The following AHCYL2 variants were observed in gnomAD, a reference collection of about 807,000 sequenced individuals.
AHCYL2 encodes the protein S-adenosylhomocysteine hydrolase-like protein 2.
AHCYL2 carries 28 observed loss-of-function variants against 81.4 expected under a neutral mutation model. That is an observed-to-expected ratio of 0.34 (90% confidence interval 0.25 to 0.47). The LOEUF (loss-of-function observed/expected upper bound fraction) is 0.47. Ranked by LOEUF, AHCYL2 falls within the 20% of genes least tolerant of loss-of-function variation. AHCYL2 has a pLI of 1.00. For synonymous variants in AHCYL2, 272 were observed against 290.2 expected, an observed-to-expected ratio of 0.94 and a Z score of 0.64; for missense variants, 551 against 785.1, an observed-to-expected ratio of 0.70 and a Z score of 3.56.
intron 1 of AHCYL2, among the ~76,000 whole-genome samples, chr7:129,338,577 T>C (rs1166505652): frequency 6.6e-6 from 1 of 152,262 alleles, no homozygotes; most frequent in Non-Finnish European, 1.5e-5. Context: ...CACTGTGTTA[T>C]CAGACTTTCG....
intron 1 of AHCYL2, among the ~76,000 whole-genome samples, chr7:129,348,464 T>A (rs1793440826): frequency 6.6e-6 from 1 of 151,262 alleles, no homozygotes; most frequent in South Asian, 2.1e-4. Flanking sequence ...CAAGTAAGAT[T>A]TCTCTCTAGA....
intron 1 of AHCYL2, among the ~76,000 whole-genome samples, chr7:129,330,908 T>C (rs1312687088): frequency 1.3e-5 from 2 of 152,238 alleles, no homozygotes; most frequent in Non-Finnish European, 2.9e-5. Context: ...AAATCGTTAG[T>C]CATCATAAAC....
At chr7:129,246,232 G>A (rs1795051712) in intron 1 of AHCYL2, among the ~76,000 whole-genome samples, 1 of 151,842 alleles carries the variant, frequency 6.6e-6, no homozygotes, top group Non-Finnish European at 1.5e-5. Context: ...CTAATTTTGT[G>A]TTTTTAGTAG....
chr7:129,330,068 G>A (rs972944288), intron 1 of AHCYL2, among the ~76,000 whole-genome samples: 2 of 152,176 alleles, frequency 1.3e-5, no homozygotes, highest in South Asian at 2.1e-4. Flanking sequence ...ACAGAGGCAC[G>A]ATCATAGGTG....
At chr7:129,246,528 C>T (rs962222912) in intron 1 of AHCYL2, among the ~76,000 whole-genome samples, 4 of 152,166 alleles carry the variant, frequency 2.6e-5, no homozygotes, top group African/African-American at 9.7e-5. Context: ...GACAGGATCT[C>T]GCTCTGTCAC....
At chr7:129,260,767 C>A (rs1795601887) in intron 1 of AHCYL2, among the ~76,000 whole-genome samples, 1 of 152,136 alleles carries the variant, frequency 6.6e-6, no homozygotes, top group South Asian at 2.1e-4. Context: ...ACTGAACTCT[C>A]ATCAACACAT....
chr7:129,325,477 A>G (rs1348833231), intron 1 of AHCYL2, among the ~76,000 whole-genome samples: 1 of 151,922 alleles, frequency 6.6e-6, no homozygotes, highest in Non-Finnish European at 1.5e-5. Flanking sequence ...AGATTTGAGC[A>G]ATTTGATTGT....
chr7:129,282,357 T>C (rs1796474049), intron 1 of AHCYL2, among the ~76,000 whole-genome samples: 1 of 152,268 alleles, frequency 6.6e-6, no homozygotes, highest in East Asian at 1.9e-4. Context: ...TAGTTACATG[T>C]ATATTAAACT....
chr7:129,319,066 G>A (rs2150785291), intron 1 of AHCYL2, among the ~76,000 whole-genome samples: 1 of 152,202 alleles, frequency 6.6e-6, no homozygotes, highest in South Asian at 2.1e-4. Context: ...CTAAAAATCA[G>A]TGAGAAAAAC....
chr7:129,268,229 AAAG>A (rs1795885699), intron 1 of AHCYL2, among the ~76,000 whole-genome samples: 1 of 152,204 alleles, frequency 6.6e-6, no homozygotes, highest in African/African-American at 2.4e-5. Context: ...GCTATACCTT[AAAG>A]AAGCTCAGCT....
chr7:129,336,630 A>G (rs757658184), intron 1 of AHCYL2, among the ~76,000 whole-genome samples: 1 of 152,182 alleles, frequency 6.6e-6, no homozygotes, highest in Non-Finnish European at 1.5e-5. Context: ...GGAGGCAAAA[A>G]GAGTAGCGCC....
At chr7:129,240,103 T>C (rs1217242752) in intron 1 of AHCYL2, among the ~76,000 whole-genome samples, 3 of 151,916 alleles carry the variant, frequency 2.0e-5, no homozygotes, top group African/African-American at 4.8e-5. Context: ...TAATCCCAGC[T>C]ACTCGGGAGG....
chr7:129,337,728 G>T (rs1278906390), intron 1 of AHCYL2, among the ~76,000 whole-genome samples: 1 of 151,304 alleles, frequency 6.6e-6, no homozygotes, highest in East Asian at 2.0e-4. Flanking sequence ...TCTTCTATAA[G>T]GATTTAAATT....
intron 1 of AHCYL2, among the ~76,000 whole-genome samples, chr7:129,278,372 A>T (rs890673231): frequency 6.6e-6 from 1 of 152,070 alleles, no homozygotes; most frequent in Non-Finnish European, 1.5e-5. Context: ...CACCACATCC[A>T]GTCTCTTTTT....
In AHCYL2 at chr7:129,365,458, T is replaced by A. The variant is rs372679153; in HGVS notation, c.364-14180T>A. On this transcript the variant is annotated intron_variant, in intron 1 of 16. Transcript: ENST00000325006. ...CTGTTAGGTAGGTAGCTCTTATTATTTCCACCATACAAATTGGAAATTGGA... is the reference window on the plus strand; with the variant it reads ...CTGTTAGGTAGGTAGCTCTTATTATATCCACCATACAAATTGGAAATTGGA... 6.3e-4 allele frequency among the ~76,000 whole-genome samples: 96 copies of A among 152,094 alleles called. No individual in the cohort carries two copies. The Middle Eastern group carries it at 0.01, about 16-fold the overall frequency.
intron 1 of AHCYL2, among the ~76,000 whole-genome samples, chr7:129,258,445 T>C (rs995226266): frequency 1.3e-5 from 2 of 152,130 alleles, no homozygotes; most frequent in Admixed American, 1.3e-4. Flanking sequence ...CTTCTCCATG[T>C]TCTTTTAGAT....
intron 1 of AHCYL2, among the ~76,000 whole-genome samples, chr7:129,319,739 T>G (rs186361075): frequency 7.2e-4 from 110 of 152,350 alleles, no homozygotes; most frequent in African/African-American, 2.5e-3. Context: ...TTCATTCACG[T>G]TACAGCACGT....
chr7:129,252,565 G>A (rs1398977813), intron 1 of AHCYL2, among the ~76,000 whole-genome samples: 2 of 152,188 alleles, frequency 1.3e-5, no homozygotes, highest in Non-Finnish European at 1.5e-5. Flanking sequence ...ACAGGAGTTT[G>A]AGACCAGCCT....
intron 1 of AHCYL2, among the ~76,000 whole-genome samples, chr7:129,257,298 A>G (rs1795462925): frequency 6.6e-6 from 1 of 152,226 alleles, no homozygotes; most frequent in Non-Finnish European, 1.5e-5. Context: ...TGTTTTAGTA[A>G]GCTTCATGGT....
Sources: gnomAD v4.1 joint callset for allele counts (sites outside exome capture counted in the v4.1 genomes callset) on GRCh38, gnomAD v4.1.1 for gene constraint, MANE v1.5 for transcripts, NCBI Gene and HGNC (gene_info 2026-07-23, HGNC 2026-07-21) for gene names.